The following EPHA5 variants were observed in gnomAD, a reference collection of about 807,000 sequenced individuals.
The protein encoded by EPHA5 is EPH receptor A5, also known as ephrin type-A receptor 5.
Under a neutral mutation model 105.0 loss-of-function variants are expected in EPHA5, and 60 were observed. The ratio of observed to expected loss-of-function variants is 0.57; its 90% CI spans 0.46 to 0.71. The LOEUF is 0.71. Ranked by LOEUF, EPHA5 falls within the 30% of genes least tolerant of loss-of-function variation. The pLI, the probability that EPHA5 is intolerant of heterozygous loss-of-function variation, is 0.00. For missense variants in EPHA5, 1,218 were observed against 1,274.7 expected (o/e 0.96, Z 0.68); for synonymous variants, 513 against 449.1 (o/e 1.14, Z -1.80).
Position 65,351,535 on chromosome 4 carries a change from T to C in EPHA5, c.2299A>G (p.Met767Val), listed in dbSNP as rs1469622881. 1.2e-6 allele frequency: 2 copies of C among 1,613,616 alleles called. No homozygotes were observed. The highest frequency in any genetic ancestry group is 1.3e-5 in the African/African-American group (1 of 74,888). ...TAGCCCATGTCAGAAAGGTACTTCA[T>C]TCCTGCAGAGATACCTCTCAGCATG... ...VGMLRGISAG[M>V]KYLSDMGYVH... Residue 767 changes from methionine (M) to valine (V), a missense_variant, in exon 13 of 17, where the codon ATG becomes GTG. Physicochemically the swap from Met to Val is conservative, Grantham distance 21 (BLOSUM62 1). This residue lies in a region of EPHA5 where 971 missense variants were observed against 1,013.5 expected (regional missense o/e 0.96). Transcript: ENST00000613740.
chr4:65,414,400 G>A lies in EPHA5; in HGVS notation c.1571C>T (p.Thr524Ile), dbSNP rs913936917. 1.2e-6 allele frequency: 2 copies of A among 1,613,858 alleles called. No homozygotes were observed. Among genetic ancestry groups the A allele is most frequent in the Non-Finnish European group, 1.7e-6 (2 of 1,179,898 alleles). ...TGGTTTCAAGCCCTCTGCAGTAATAGTTGTCTCTTTAGATTTGATAATCGT... is the reference window on the plus strand; with the variant it reads ...TGGTTTCAAGCCCTCTGCAGTAATAATTGTCTCTTTAGATTTGATAATCGT... ...SYTIIKSKETTITAEGLKPAS... is the reference protein window; with the variant it reads ...SYTIIKSKETIITAEGLKPAS... The change falls in exon 7 of 17, where the codon ACT becomes ATT. Residue 524 changes from threonine to isoleucine, a missense_variant. Thr to Ile is a moderately conservative substitution (Grantham distance 89). Coordinates refer to ENST00000613740, the MANE Select transcript of EPHA5 (RefSeq NM_001281766.3).
intron 1 of EPHA5, among the ~76,000 whole-genome samples, chr4:65,666,115 T>C (rs1367642231): frequency 6.6e-6 from 1 of 152,210 alleles, no homozygotes; most frequent in East Asian, 1.9e-4. Context: ...TTTCCTTTTT[T>C]ATCTTTCCAA....
At chr4:65,503,986 G>A (rs371508172) in intron 3 of EPHA5, among the ~76,000 whole-genome samples, 1 of 150,318 alleles carries the variant, frequency 6.7e-6, no homozygotes, top group Admixed American at 6.7e-5. Context: ...ACAGGTATAT[G>A]TATATGTTGT....
At chr4:65,642,892 T>C (rs1368497089) in intron 2 of EPHA5, among the ~76,000 whole-genome samples, 2 of 152,042 alleles carry the variant, frequency 1.3e-5, no homozygotes, top group East Asian at 1.9e-4. Context: ...GAATTTCTTA[T>C]AATATTTTTT....
At chr4:65,537,145 A>G (rs1578367035) in intron 3 of EPHA5, among the ~76,000 whole-genome samples, 2 of 151,980 alleles carry the variant, frequency 1.3e-5, no homozygotes, top group South Asian at 4.1e-4. Flanking sequence ...AAGGTACTGA[A>G]CAAAAATTCA....
intron 14 of EPHA5, among the ~76,000 whole-genome samples, chr4:65,337,488 T>C (rs1721296112): frequency 1.3e-5 from 2 of 152,046 alleles, no homozygotes; most frequent in African/African-American, 2.4e-5. Flanking sequence ...ATTCTCCTTA[T>C]GATAAATAAA....
intron 3 of EPHA5, among the ~76,000 whole-genome samples, chr4:65,534,686 T>A (rs1430492737): frequency 6.6e-6 from 1 of 152,184 alleles, no homozygotes; most frequent in Non-Finnish European, 1.5e-5. Context: ...TGATCTCAGA[T>A]AAATTACACA....
At chr4:65,432,900 A>G (rs1159520611) in intron 5 of EPHA5, among the ~76,000 whole-genome samples, 1 of 151,864 alleles carries the variant, frequency 6.6e-6, no homozygotes. Flanking sequence ...TAGTGCCTCT[A>G]TATTTTAAGT....
chr4:65,414,386 C>CAGTTGTTGT lies in EPHA5; in HGVS notation c.1584_1585insACAACAACT (p.Glu528_Gly529insThrThrThr). ...ACATAAACTGAAGCTGGTTTCAAGC[C>CAGTTGTTGT]CTCTGCAGTAATAGTTGTCTCTTTA... On this transcript the variant is annotated inframe_insertion, in exon 7 of 17. Transcript: ENST00000613740. 1 of 1,613,928 alleles carries CAGTTGTTGT rather than the reference C, an allele frequency of 6.2e-7. No homozygotes were observed. Among genetic ancestry groups the CAGTTGTTGT allele is most frequent in the Non-Finnish European group, 8.5e-7 (1 of 1,179,898 alleles).
intron 5 of EPHA5, among the ~76,000 whole-genome samples, chr4:65,433,282 G>A (rs1394780597): frequency 6.6e-6 from 1 of 152,028 alleles, no homozygotes; most frequent in Non-Finnish European, 1.5e-5. Flanking sequence ...AAAATTTTGG[G>A]AAGCTTCCAT....
chr4:65,378,686 TC>T (rs1480940005), intron 8 of EPHA5, among the ~76,000 whole-genome samples: 2 of 151,956 alleles, frequency 1.3e-5, no homozygotes, highest in African/African-American at 4.8e-5. Flanking sequence ...AAAGCCTAAA[TC>T]AAATATCTGG....
chr4:65,601,582 AC>A, intron 3 of EPHA5, 58 bp downstream of exon 3: 1 of 1,462,526 alleles, frequency 6.8e-7, no homozygotes, highest in Non-Finnish European at 9.4e-7. Context: ...TGGAGGAAAT[AC>A]ATATACATGA....
chr4:65,492,518 T>TA (rs1296540036), intron 4 of EPHA5, among the ~76,000 whole-genome samples: 2 of 51,488 alleles, frequency 3.9e-5, no homozygotes, highest in South Asian at 6.7e-4. Context: ...ACCCCTTAAC[T>TA]AAAAAACTTG....
At chr4:65,501,119 G>T (rs1732444821) in intron 3 of EPHA5, among the ~76,000 whole-genome samples, 1 of 151,274 alleles carries the variant, frequency 6.6e-6, no homozygotes, top group Non-Finnish European at 1.5e-5. Flanking sequence ...ATATGTGTTT[G>T]CTAAGAAAAA....
intron 14 of EPHA5, among the ~76,000 whole-genome samples, chr4:65,341,706 G>T (rs1577860093): frequency 6.6e-6 from 1 of 152,038 alleles, no homozygotes; most frequent in African/African-American, 2.4e-5. Context: ...ATGTAGGCTT[G>T]AAAACTGAGT....
intron 16 of EPHA5, among the ~76,000 whole-genome samples, chr4:65,328,951 G>A (rs921302000): frequency 2.0e-5 from 3 of 151,196 alleles, no homozygotes; most frequent in African/African-American, 7.3e-5. Flanking sequence ...TTCTATTCCA[G>A]TAACTGATGA....
intron 5 of EPHA5, among the ~76,000 whole-genome samples, chr4:65,465,504 AAAG>A (rs1358189248): frequency 2.5e-5 from 3 of 121,390 alleles, no homozygotes; most frequent in Non-Finnish European, 3.6e-5. Context: ...AGAAAGAAAG[AAAG>A]AAAGAAAGAA....
chr4:65,407,787 A>G (rs1722504945), intron 7 of EPHA5, among the ~76,000 whole-genome samples: 1 of 151,724 alleles, frequency 6.6e-6, no homozygotes, highest in African/African-American at 2.4e-5. Context: ...ACAGGGTCTC[A>G]CTTCGTCACC....
Position 65,542,976 on chromosome 4 carries a change from G to A in EPHA5, c.911-47433C>T, listed in dbSNP as rs562549499. On this transcript the variant is annotated intron_variant, in intron 3 of 16. Transcript: ENST00000613740. Reference sequence around the variant, plus strand: ...AGCAGAACCAATTACAAAACCACATGATTATCTCCATAGATGCAGAAAAAG... The same window carrying A: ...AGCAGAACCAATTACAAAACCACATAATTATCTCCATAGATGCAGAAAAAG... Among the ~76,000 whole-genome samples the A allele has an allele frequency of 3.9e-5, 6 of 152,062 alleles. No homozygotes were observed. The South Asian group carries it at 8.3e-4, about 21-fold the overall frequency.
Sources: gnomAD v4.1 joint callset for allele counts (sites outside exome capture counted in the v4.1 genomes callset) on GRCh38, gnomAD v4.1.1 for gene constraint, gnomAD v4.1.1 regional missense constraint, MANE v1.5 for transcripts, NCBI Gene and HGNC (gene_info 2026-07-23, HGNC 2026-07-21) for gene names.